Variants in SLC9A5 observed in about 807,000 individuals in gnomAD.
SLC9A5 encodes sodium/hydrogen exchanger 5.
A neutral mutation model predicts 91.7 loss-of-function variants in SLC9A5; 52 were observed. That is an observed-to-expected ratio of 0.57 (90% CI 0.45 to 0.71). The LOEUF (loss-of-function observed/expected upper bound fraction) is 0.71, where lower values mean the gene tolerates loss of function less well. Ranked by LOEUF, SLC9A5 falls within the 30% of genes least tolerant of loss-of-function variation. SLC9A5 has a pLI of 0.00. For missense variants in SLC9A5, 871 were observed against 1,158.9 expected (o/e 0.75, Z 3.61); for synonymous variants, 419 against 474.5 (o/e 0.88, Z 1.52).
At chr16:67,260,394 T>C in intron 12 of SLC9A5, among the ~76,000 whole-genome samples, 1 of 137,578 alleles carries the variant, frequency 7.3e-6, no homozygotes, top group East Asian at 2.0e-4. Context: ...GGGTTTTATC[T>C]CATCAGTAAT....
intron 2 of SLC9A5, among the ~76,000 whole-genome samples, chr16:67,253,370 C>T (rs568476155): frequency 2.0e-5 from 3 of 152,176 alleles, no homozygotes; most frequent in African/African-American, 7.2e-5. Context: ...AATGCTGGCA[C>T]TACACTGGGT....
Position 67,258,553 on chromosome 16 carries a change from A to T in SLC9A5, c.1626+106A>T. 1 of 1,349,394 alleles carries T rather than the reference A, an allele frequency of 7.4e-7. No individual in the cohort carries two copies. The highest frequency in any genetic ancestry group is 1.4e-5 in the African/African-American group (1 of 70,130). 83.6% of individuals were successfully genotyped at this position (1,349,394 alleles called of 1,614,324 possible). On this transcript the variant is annotated intron_variant, in intron 10 of 15. Transcript: ENST00000299798. The surrounding 1 kb of genome is among the most constrained non-coding windows in gnomAD (Gnocchi z 4.5). ...GCTGGCCCTGAGCAGGGAGTTGGGA[A>T]TTCCTAGCTGGCTCCATGGTCTGGT...
At position 67,249,166 on chromosome 16, in the gene SLC9A5, C is replaced by A; in HGVS notation, c.152C>A (p.Ala51Asp). ...GAGGTGGAGGCGCCCTACCTGGTGG[C>A]CCTGTGGATCCTGGTGGCCAGTCTG... Reference protein sequence around the residue: ...WHEVEAPYLVALWILVASLAK... With the variant: ...WHEVEAPYLVDLWILVASLAK... The change falls in exon 1 of 16, where the codon GCC becomes GAC. Residue 51 changes from alanine (A) to aspartate (D), a missense_variant. Physicochemically the swap from Ala to Asp is moderately radical, Grantham distance 126. Transcript: ENST00000299798. 1.3e-6 allele frequency: 2 copies of A among 1,559,358 alleles called. No homozygotes were observed. The highest frequency in any genetic ancestry group is 1.8e-5 in the Admixed American group (1 of 54,320).
Position 67,255,588 on chromosome 16 carries a change from A to G in SLC9A5, c.733+117A>G. 1 of 1,315,938 alleles carries G rather than the reference A, an allele frequency of 7.6e-7. No individual in the cohort carries two copies. The highest frequency in any genetic ancestry group is 1.1e-6 in the Non-Finnish European group (1 of 927,332). The allele number at this position is 1,315,938 out of a possible 1,614,324, so 81.5% of individuals were successfully genotyped here. On this transcript the variant is annotated intron_variant, in intron 4 of 15. Transcript: ENST00000299798. The surrounding 1 kb of genome is among the most constrained non-coding windows in gnomAD (Gnocchi z 4.9). ...ATTCGGGTTGCCTCATCTCCTCTATAGAGAAATGGGGTCTGGGAGGGGCTT... is the reference window on the plus strand; with the variant it reads ...ATTCGGGTTGCCTCATCTCCTCTATGGAGAAATGGGGTCTGGGAGGGGCTT...
chr16:67,258,988 C>T lies in SLC9A5; in HGVS notation c.1626+541C>T, dbSNP rs370889418. On this transcript the variant is annotated intron_variant, in intron 10 of 15. Transcript: ENST00000299798. This position sits in a 1 kb window ranked among gnomAD's most constrained non-coding sequence, Gnocchi z 4.5. ...TAAAATCTGGGAAGCGGGCTGGGCA[C>T]GGTGGCTCACACCTGTAATCCCAGC... is the stretch of plus-strand genomic sequence containing the variant. Among the ~76,000 whole-genome samples, 6 of 151,252 alleles carry T rather than the reference C, an allele frequency of 4.0e-5. No individual in the cohort carries two copies. The highest frequency in any genetic ancestry group is 7.3e-5 in the African/African-American group (3 of 41,052).
chr16:67,263,422 G>C (rs1306370680), intron 12 of SLC9A5: 1 of 152,372 alleles, frequency 6.6e-6, no homozygotes, highest in African/African-American at 2.4e-5. Context: ...ATGAAAAGGT[G>C]CTAAGCAAGG....
At chr16:67,262,252 A>C (rs2035555879) in intron 12 of SLC9A5, 1 of 457,302 alleles carries the variant, frequency 2.2e-6, no homozygotes, top group Admixed American at 2.3e-5. Context: ...GCTACTAAAG[A>C]CTTTCCTCCA....
intron 12 of SLC9A5, chr16:67,262,466 G>A (rs985362559): frequency 6.3e-6 from 2 of 317,354 alleles, no homozygotes; most frequent in African/African-American, 4.3e-5. Context: ...GAAGCAATCT[G>A]TATCAGGTTT....
Position 67,249,135 on chromosome 16 carries a change from T to C in SLC9A5, c.121T>C (p.Trp41Arg), listed in dbSNP as rs2035006694. 1 of 1,559,922 alleles carries C rather than the reference T, an allele frequency of 6.4e-7. No homozygotes were observed. Residue 41 changes from tryptophan to arginine, a missense_variant, in exon 1 of 16, where the codon TGG (tryptophan) becomes CGG (arginine). Trp to Arg is a moderately radical substitution (Grantham distance 101, BLOSUM62 -3). This residue lies in a region of SLC9A5 where 122 missense variants were observed against 114.5 expected (regional missense o/e 1.07). Coordinates refer to ENST00000299798, the MANE Select transcript of SLC9A5 (RefSeq NM_004594.3). Reference protein sequence around the residue: ...PPGLELFRWQWHEVEAPYLVA... With the variant: ...PPGLELFRWQRHEVEAPYLVA... ...AGGCTTAGAGCTCTTCCGCTGGCAG[T>C]GGCACGAGGTGGAGGCGCCCTACCT... is the stretch of plus-strand genomic sequence containing the variant.
Position 67,252,498 on chromosome 16 carries a change from A to G in SLC9A5, c.188-44A>G. 1 of 1,521,154 alleles carries G rather than the reference A, an allele frequency of 6.6e-7. No individual in the cohort carries two copies. Among genetic ancestry groups the G allele is most frequent in the Non-Finnish European group, 8.9e-7 (1 of 1,119,122 alleles). 94.2% of individuals were successfully genotyped at this position (1,521,154 alleles called of 1,614,324 possible). A position where few individuals can be genotyped will look rare whatever the true frequency, so the allele number is the denominator to read the frequency against. On this transcript the variant is annotated intron_variant, in intron 1 of 15. Transcript: ENST00000299798. The surrounding 1 kb of genome is among the most constrained non-coding windows in gnomAD (Gnocchi z 4.0). Reference sequence around the variant, plus strand: ...AGTTCATAGGCCTGTGTGTGGGAGGATATTCCATAAACTGATCCATCCTGC... The same window carrying G: ...AGTTCATAGGCCTGTGTGTGGGAGGGTATTCCATAAACTGATCCATCCTGC...
At chr16:67,250,599 A>C (rs779319113) in intron 1 of SLC9A5, among the ~76,000 whole-genome samples, 1 of 152,214 alleles carries the variant, frequency 6.6e-6, no homozygotes, top group African/African-American at 2.4e-5. Context: ...GAAGTAAGAG[A>C]AGAGAGCCTC....
At chr16:67,265,775 G>C (rs370167329) in intron 14 of SLC9A5, among the ~76,000 whole-genome samples, 7 of 152,186 alleles carry the variant, frequency 4.6e-5, no homozygotes, top group African/African-American at 1.7e-4. Flanking sequence ...AGCAATCCAA[G>C]TGCTCATGTT....
intron 2 of SLC9A5, among the ~76,000 whole-genome samples, chr16:67,253,327 G>A (rs2035198786): frequency 6.6e-6 from 1 of 151,744 alleles, no homozygotes; most frequent in African/African-American, 2.4e-5. Flanking sequence ...TAAATAAATA[G>A]ATATTTAAAA....
rs981732806 is a variant in SLC9A5, at chr16:67,271,131, A to C, written c.2612A>C (p.His871Pro). 6 of 1,613,484 alleles carry C rather than the reference A, an allele frequency of 3.7e-6. No individual in the cohort carries two copies. In the African/African-American group the frequency reaches 8.0e-5, roughly 22 times the overall value. ...CAGGAGCTGCAGCCCCTCATGGGCC[A>C]CAAGGACCACACCCATCTCAGCCCA... The part of the protein sequence containing the change: ...QQQELQPLMG[H>P]KDHTHLSPGT... Residue 871 changes from histidine (H) to proline (P), a missense_variant, in exon 16 of 16, where the codon CAC becomes CCC. His to Pro is a moderately conservative substitution (Grantham distance 77, BLOSUM62 -2). Transcript: ENST00000299798.
chr16:67,261,172 G>A (rs944764987), intron 12 of SLC9A5: 8 of 152,292 alleles, frequency 5.3e-5, no homozygotes, highest in Non-Finnish European at 1.2e-4. Context: ...GGGCCTAGAA[G>A]CTCTGACACC....
intron 1 of SLC9A5, among the ~76,000 whole-genome samples, chr16:67,249,990 C>A (rs1395771788): frequency 6.6e-6 from 1 of 152,220 alleles, no homozygotes; most frequent in Admixed American, 6.5e-5. Flanking sequence ...CTCCTCCCAC[C>A]AGAGACCCTC....
chr16:67,250,910 AT>A (rs1270357787), intron 1 of SLC9A5, among the ~76,000 whole-genome samples: 1 of 152,172 alleles, frequency 6.6e-6, no homozygotes, highest in Non-Finnish European at 1.5e-5. Flanking sequence ...CAAAGAGTTT[AT>A]TTTAGAGGAC....
At chr16:67,269,316 C>T (rs1288502330) in intron 15 of SLC9A5, among the ~76,000 whole-genome samples, 1 of 152,036 alleles carries the variant, frequency 6.6e-6, no homozygotes, top group Non-Finnish European at 1.5e-5. Context: ...CCTGTAATCC[C>T]AGCTACTCTG....
At chr16:67,261,964 G>GTGTGTGTGTGTGTGT in intron 12 of SLC9A5, 1 of 257,696 alleles carries the variant, frequency 3.9e-6, no homozygotes, top group Non-Finnish European at 7.8e-6. Context: ...GTGTGTATGT[G>GTGTGTGTGTGTGTGT]GTGTTTATGT....
Sources: allele counts gnomAD v4.1 joint callset (sites outside exome capture counted in the v4.1 genomes callset), GRCh38; gene constraint gnomAD v4.1.1; regional missense constraint gnomAD v4.1.1; non-coding constraint Gnocchi (gnomAD v3.1); transcripts MANE v1.5; gene names NCBI Gene and HGNC (gene_info 2026-07-23, HGNC 2026-07-21).